The following CACNA2D3 variants were observed in gnomAD, a reference collection of about 807,000 sequenced individuals.
The protein encoded by CACNA2D3 is voltage-dependent calcium channel subunit alpha-2/delta-3.
Under a neutral mutation model 160.6 loss-of-function variants are expected in CACNA2D3, and 60 were observed. The ratio of observed to expected loss-of-function variants is 0.37; its 90% confidence interval spans 0.30 to 0.46. CACNA2D3 has a LOEUF of 0.46. Ranked by LOEUF, CACNA2D3 falls within the 20% of genes least tolerant of loss-of-function variation. The pLI is 1.00. For synonymous variants in CACNA2D3, 558 were observed against 492.9 expected (o/e 1.13, Z -1.75); for missense variants, 1,205 against 1,365.0 (o/e 0.88, Z 1.85).
intron 17 of CACNA2D3, among the ~76,000 whole-genome samples, chr3:54,858,320 C>A (rs1699214937): frequency 6.6e-6 from 1 of 152,060 alleles, no homozygotes; most frequent in African/African-American, 2.4e-5. Flanking sequence ...CCAGTGTCAT[C>A]TAATTGATCA....
At chr3:54,489,868 TA>T (rs1417811715) in intron 4 of CACNA2D3, among the ~76,000 whole-genome samples, 1 of 152,202 alleles carries the variant, frequency 6.6e-6, no homozygotes, top group African/African-American at 2.4e-5. Flanking sequence ...TGGGGGATTA[TA>T]AATGAGTTAA....
chr3:55,021,874 T>C (rs1260299712), intron 35 of CACNA2D3, among the ~76,000 whole-genome samples: 1 of 151,912 alleles, frequency 6.6e-6, no homozygotes, highest in Admixed American at 6.6e-5. Context: ...TAAATGGCCT[T>C]GTGGTCTGTA....
intron 2 of CACNA2D3, among the ~76,000 whole-genome samples, chr3:54,189,338 T>C (rs1482465274): frequency 1.3e-5 from 2 of 152,204 alleles, no homozygotes; most frequent in East Asian, 3.9e-4. Flanking sequence ...GTGAAAGGGC[T>C]TGGGTGTTCC....
At chr3:54,322,092 G>A (rs1212615041) in intron 3 of CACNA2D3, among the ~76,000 whole-genome samples, 1 of 152,220 alleles carries the variant, frequency 6.6e-6, no homozygotes, top group Non-Finnish European at 1.5e-5. Flanking sequence ...CCTGGAATTA[G>A]GGGAGCATTG....
intron 2 of CACNA2D3, among the ~76,000 whole-genome samples, chr3:54,254,288 A>G (rs1489510023): frequency 6.6e-6 from 1 of 152,092 alleles, no homozygotes; most frequent in Non-Finnish European, 1.5e-5. Context: ...GGTACTGAAG[A>G]TAGAGTGGTT....
At chr3:54,289,908 C>T (rs1168350129) in intron 2 of CACNA2D3, among the ~76,000 whole-genome samples, 1 of 152,010 alleles carries the variant, frequency 6.6e-6, no homozygotes, top group African/African-American at 2.4e-5. Flanking sequence ...AAAATTAATT[C>T]AAGATGGATT....
chr3:54,838,135 G>A (rs1698738196), intron 15 of CACNA2D3, among the ~76,000 whole-genome samples: 1 of 152,166 alleles, frequency 6.6e-6, no homozygotes, highest in Non-Finnish European at 1.5e-5. Flanking sequence ...TTGCTATTTA[G>A]ACTCTCTCTC....
chr3:54,234,051 A>G (rs1310075764), intron 2 of CACNA2D3, among the ~76,000 whole-genome samples: 1 of 152,246 alleles, frequency 6.6e-6, no homozygotes, highest in Admixed American at 6.5e-5. Flanking sequence ...ACAGCAAAAT[A>G]AACTATCAAA....
intron 2 of CACNA2D3, among the ~76,000 whole-genome samples, chr3:54,305,247 A>G (rs1703571562): frequency 6.6e-6 from 1 of 152,256 alleles, no homozygotes; most frequent in East Asian, 1.9e-4. Context: ...CACAAATAAT[A>G]CATGAACCTA....
chr3:54,359,441 C>A (rs572427673), intron 3 of CACNA2D3, among the ~76,000 whole-genome samples: 11 of 152,206 alleles, frequency 7.2e-5, no homozygotes, highest in African/African-American at 2.6e-4. Flanking sequence ...AATGTGATGC[C>A]CAGCTCAAGT....
chr3:55,067,095 T>C (rs986630546), intron 35 of CACNA2D3, among the ~76,000 whole-genome samples: 8 of 139,646 alleles, frequency 5.7e-5, no homozygotes, highest in African/African-American at 2.2e-4. Flanking sequence ...TGGCAATCTT[T>C]TGTAGCGGGG....
chr3:54,540,677 A>G (rs1305492500), intron 5 of CACNA2D3, among the ~76,000 whole-genome samples: 2 of 152,134 alleles, frequency 1.3e-5, no homozygotes, highest in Non-Finnish European at 2.9e-5. Flanking sequence ...GGCAGTAAAC[A>G]AGCAAGAGAG....
At chr3:54,923,060 C>T (rs1266589656) in intron 27 of CACNA2D3, among the ~76,000 whole-genome samples, 1 of 152,124 alleles carries the variant, frequency 6.6e-6, no homozygotes, top group Non-Finnish European at 1.5e-5. Flanking sequence ...TCATCTTCTC[C>T]CTCATCTCCC....
chr3:54,127,013 G>A (rs898364244), intron 2 of CACNA2D3, among the ~76,000 whole-genome samples: 1 of 152,150 alleles, frequency 6.6e-6, no homozygotes, highest in Admixed American at 6.5e-5. Flanking sequence ...GTTAAACTCA[G>A]TCTCCACACC....
In CACNA2D3 at chr3:54,626,568, C is replaced by G. The variant is rs1699111195; in HGVS notation, c.964-1219C>G. On this transcript the variant is annotated intron_variant, in intron 9 of 37. Transcript: ENST00000474759. ...TGATCGACCACTACCTGGGCGAGTT[C>G]TCCATCACCTACAAGCCCATAAAGC... The G allele has an allele frequency of 2.5e-6, 4 of 1,577,880 alleles. No individual in the cohort carries two copies. In the Admixed American group the frequency reaches 6.7e-5, roughly 27 times the overall value.
intron 35 of CACNA2D3, among the ~76,000 whole-genome samples, chr3:55,064,105 G>A (rs1014277739): frequency 2.6e-5 from 4 of 152,098 alleles, no homozygotes; most frequent in Non-Finnish European, 5.9e-5. Flanking sequence ...GGTGGGGTGC[G>A]CAGCTCAGCA....
chr3:55,000,484 A>G (rs185508531), intron 31 of CACNA2D3, among the ~76,000 whole-genome samples: 63 of 152,346 alleles, frequency 4.1e-4, no homozygotes, highest in African/African-American at 1.4e-3. Context: ...ATGGGTTGAT[A>G]GGTACAGGAA....
intron 32 of CACNA2D3, among the ~76,000 whole-genome samples, chr3:55,007,306 C>T (rs1449191091): frequency 6.6e-6 from 1 of 152,172 alleles, no homozygotes; most frequent in Non-Finnish European, 1.5e-5. Context: ...TTAAATCCTA[C>T]ATAATTCGTG....
chr3:54,148,203 C>T (rs1700072998), intron 2 of CACNA2D3, among the ~76,000 whole-genome samples: 1 of 152,246 alleles, frequency 6.6e-6, no homozygotes, highest in Admixed American at 6.5e-5. Flanking sequence ...TGCTACCCTT[C>T]CATATACTAC....
Sources: allele counts gnomAD v4.1 joint callset (sites outside exome capture counted in the v4.1 genomes callset), GRCh38; gene constraint gnomAD v4.1.1; transcripts MANE v1.5; gene names NCBI Gene and HGNC (gene_info 2026-07-23, HGNC 2026-07-21).